CDH13: variants seen among roughly 807,000 people sequenced by gnomAD.
CDH13 encodes the protein cadherin 13.
In CDH13, 24 loss-of-function variants were observed where a neutral mutation model predicts 63.8. The ratio of observed to expected loss-of-function variants is 0.38; its 90% confidence interval spans 0.27 to 0.53. The LOEUF is 0.53. Ranked by LOEUF, CDH13 falls within the 20% of genes least tolerant of loss-of-function variation. The probability of loss-of-function intolerance (pLI) is 0.85; values close to 1 mark genes in which losing one functional copy is unlikely to be tolerated. For synonymous variants in CDH13, 503 were observed against 355.3 expected (o/e 1.42, Z -4.67); for missense variants, 1,049 against 903.1 (o/e 1.16, Z -2.07).
intron 2 of CDH13, among the ~76,000 whole-genome samples, chr16:82,902,831 T>C (rs1164738392): frequency 6.6e-6 from 1 of 152,134 alleles, no homozygotes. Flanking sequence ...GTCTGGTTGG[T>C]ATAAAGAGGG....
chr16:82,892,197 C>G (rs1023972867), intron 2 of CDH13, among the ~76,000 whole-genome samples: 4 of 152,136 alleles, frequency 2.6e-5, no homozygotes, highest in African/African-American at 9.7e-5. Flanking sequence ...CCTCCTAATG[C>G]TGACTTGAGG....
At chr16:82,668,978 C>A (rs1266527905) in intron 1 of CDH13, among the ~76,000 whole-genome samples, 1 of 152,152 alleles carries the variant, frequency 6.6e-6, no homozygotes, top group South Asian at 2.1e-4. Context: ...CCCCGGTGTA[C>A]CTGGCACAGT....
intron 7 of CDH13, among the ~76,000 whole-genome samples, chr16:83,497,306 A>G (rs1431505772): frequency 6.6e-6 from 1 of 152,082 alleles, no homozygotes; most frequent in Admixed American, 6.5e-5. Flanking sequence ...TGTGGCACAT[A>G]TACACCATGG....
intron 10 of CDH13, among the ~76,000 whole-genome samples, chr16:83,697,878 C>G (rs1478750359): frequency 6.6e-6 from 1 of 152,206 alleles, no homozygotes; most frequent in Non-Finnish European, 1.5e-5. Flanking sequence ...AACTCCTGGC[C>G]TCAAGTGGTC....
chr16:83,541,336 A>G (rs933522654), intron 7 of CDH13, among the ~76,000 whole-genome samples: 2 of 152,204 alleles, frequency 1.3e-5, no homozygotes, highest in African/African-American at 4.8e-5. Flanking sequence ...TGATCACTTC[A>G]TTATCCTTTA....
chr16:83,410,318 G>A (rs115229259), intron 6 of CDH13, among the ~76,000 whole-genome samples: 4,187 of 152,088 alleles, frequency 0.028, 81 homozygotes, highest in African/African-American at 0.052. Flanking sequence ...TTTACTCTGG[G>A]GAAAAAGGCT....
intron 7 of CDH13, among the ~76,000 whole-genome samples, chr16:83,530,646 T>A (rs2075063400): frequency 6.6e-6 from 1 of 152,196 alleles, no homozygotes; most frequent in Non-Finnish European, 1.5e-5. Context: ...CTGCCCATCA[T>A]CTTAACCACA....
intron 3 of CDH13, among the ~76,000 whole-genome samples, chr16:83,122,281 A>G (rs773324761): frequency 3.3e-5 from 5 of 152,250 alleles, no homozygotes; most frequent in Non-Finnish European, 7.3e-5. Context: ...AGCTTTCCAT[A>G]GGCAACAGTT....
At chr16:83,467,583 C>T (rs1567692520) in intron 6 of CDH13, among the ~76,000 whole-genome samples, 1 of 152,178 alleles carries the variant, frequency 6.6e-6, no homozygotes, top group Non-Finnish European at 1.5e-5. Context: ...TCTTCCTCCA[C>T]GGAGTTGGTT....
In CDH13 at chr16:83,141,640, G is replaced by C. The variant is rs889358773; in HGVS notation, c.483+16139G>C. 2.0e-5 allele frequency among the ~76,000 whole-genome samples: 3 copies of C among 152,186 alleles called. No individual in the cohort carries two copies. In the East Asian group the frequency reaches 5.8e-4, roughly 29 times the overall value. ...ACGTTTTAAGCCCCGTGTGCATTAG[G>C]TATTTGTCCTAATGCTCTCTCTCCT... On this transcript the variant is annotated intron_variant, in intron 4 of 13. Coordinates refer to ENST00000567109, the MANE Select transcript of CDH13 (RefSeq NM_001257.5).
At chr16:83,262,365 C>G (rs933168967) in intron 5 of CDH13, among the ~76,000 whole-genome samples, 2 of 152,180 alleles carry the variant, frequency 1.3e-5, no homozygotes, top group African/African-American at 4.8e-5. Flanking sequence ...CCAGAGGAAT[C>G]TCTTTTCCAT....
chr16:83,571,351 T>A (rs879712971), intron 7 of CDH13, among the ~76,000 whole-genome samples: 2 of 152,098 alleles, frequency 1.3e-5, no homozygotes, highest in African/African-American at 4.8e-5. Context: ...TGGAAGAAGC[T>A]CTAACGGTCT....
rs142299710 is a variant in CDH13, at chr16:83,550,842, T to C, written c.961-51612T>C. ...TACTTCCAGAATTCTACTTTTTCAC[T>C]GACAGTAAGCCTAACCTCTCAGGTT... On this transcript the variant is annotated intron_variant, in intron 7 of 13. Transcript: ENST00000567109. Among the ~76,000 whole-genome samples the C allele has an allele frequency of 5.0e-3, 756 of 152,252 alleles. 2 individuals are homozygous for C. The highest frequency in any genetic ancestry group is 8.5e-3 in the Non-Finnish European group (577 of 68,008).
At chr16:82,723,404 A>T (rs886626425) in intron 1 of CDH13, among the ~76,000 whole-genome samples, 2 of 152,152 alleles carry the variant, frequency 1.3e-5, no homozygotes, top group Admixed American at 6.5e-5. Flanking sequence ...TTGGGAACAT[A>T]GCTAGGTTAT....
rs1354238635 is a variant in CDH13 at position 83,783,466 on chromosome 16, T to TTAGCTTGTAAGTTGACCTAACTCCAG, written c.2130_2134+21dup. On this transcript the variant is annotated stop_gained and frameshift_variant, in exon 13 of 14. Transcript: ENST00000567109. LOFTEE classifies it high-confidence loss of function. ...AGTCCTGCTCCTCAGCCTCTTCAGC[T>TTAGCTTGTAAGTTGACCTAACTCCAG]TAGCTTGTAAGTTGACCTAACTCCA... 1 of 1,613,624 alleles carries TTAGCTTGTAAGTTGACCTAACTCCAG rather than the reference T, an allele frequency of 6.2e-7. No individual in the cohort carries two copies. Among genetic ancestry groups the TTAGCTTGTAAGTTGACCTAACTCCAG allele is most frequent in the African/African-American group, 1.3e-5 (1 of 74,942 alleles).
intron 1 of CDH13, among the ~76,000 whole-genome samples, chr16:82,843,782 C>A (rs980941867): frequency 6.6e-6 from 1 of 152,206 alleles, no homozygotes; most frequent in Admixed American, 6.5e-5. Flanking sequence ...CACTTTACAG[C>A]AAGGCCGGGT....
chr16:83,617,570 A>G (rs190808593), intron 8 of CDH13, among the ~76,000 whole-genome samples: 1 of 151,448 alleles, frequency 6.6e-6, no homozygotes. Context: ...CAATATGCAC[A>G]TATTCAATTC....
intron 1 of CDH13, among the ~76,000 whole-genome samples, chr16:82,638,477 T>C (rs1465040529): frequency 6.6e-6 from 1 of 152,212 alleles, no homozygotes; most frequent in Non-Finnish European, 1.5e-5. Flanking sequence ...GAGAATTAAA[T>C]AAGTGTATGT....
At chr16:83,517,438 C>T (rs891593030) in intron 7 of CDH13, among the ~76,000 whole-genome samples, 4 of 152,192 alleles carry the variant, frequency 2.6e-5, no homozygotes, top group African/African-American at 9.7e-5. Context: ...TTAAGGGATC[C>T]AGGCTGACAG....
Sources: gnomAD v4.1 joint callset for allele counts (sites outside exome capture counted in the v4.1 genomes callset) on GRCh38, gnomAD v4.1.1 for gene constraint, MANE v1.5 for transcripts, NCBI Gene and HGNC (gene_info 2026-07-23, HGNC 2026-07-21) for gene names.